BCO2: variants seen among roughly 807,000 people sequenced by gnomAD.
BCO2 encodes the protein beta-carotene oxygenase 2.
In BCO2, 56 loss-of-function variants were observed where a neutral mutation model predicts 65.8. The ratio of observed to expected loss-of-function variants is 0.85; its 90% CI spans 0.69 to 1.06. BCO2 has a LOEUF of 1.06. Among genes scored for constraint, BCO2 ranks in the 50% least tolerant of loss-of-function variants. The pLI, the probability that BCO2 is intolerant of heterozygous loss-of-function variation, is 0.00. For missense variants in BCO2, 675 were observed against 698.5 expected (o/e 0.97, Z 0.38); for synonymous variants, 233 against 242.3 (o/e 0.96, Z 0.36).
At chr11:112,211,319 TACACACAC>T (rs71060232) in intron 8 of BCO2, among the ~76,000 whole-genome samples, 29,095 of 128,426 alleles carry the variant, frequency 0.23, 3,667 homozygotes, top group Non-Finnish European at 0.31. Context: ...TTCGATTGTA[TACACACAC>T]ACACACACAC....
At chr11:112,187,487 T>C (rs1449308689) in intron 2 of BCO2, among the ~76,000 whole-genome samples, 2 of 151,190 alleles carry the variant, frequency 1.3e-5, no homozygotes, top group Non-Finnish European at 2.9e-5. Flanking sequence ...GTCAGTGTTC[T>C]TTCCATCTTC....
At chr11:112,215,357 CTG>C in intron 10 of BCO2, 1 of 236,438 alleles carries the variant, frequency 4.2e-6, no homozygotes, top group East Asian at 1.2e-4. Context: ...TATTGACAGC[CTG>C]TGTTAGTCTG....
chr11:112,177,909 C>CTT lies in BCO2; in HGVS notation c.89-1354_89-1353dup, dbSNP rs11460820. Reference sequence around the variant, plus strand: ...GACCTTGACCAATTAATGGAATTTGCTTTTTTTTTTTTTTTTGAGACGAAG... The same window carrying CTT: ...GACCTTGACCAATTAATGGAATTTGCTTTTTTTTTTTTTTTTTTGAGACGAAG... On this transcript the variant is annotated intron_variant, in intron 1 of 11. Transcript: ENST00000357685. Among the ~76,000 whole-genome samples, 461 of 135,292 alleles carry CTT rather than the reference C, an allele frequency of 3.4e-3. 4 individuals carry two copies. Among genetic ancestry groups the CTT allele is most frequent in the East Asian group, 0.012 (56 of 4,618 alleles). The allele number at this position is 135,292 out of a possible 152,430, so 88.8% of individuals were successfully genotyped here.
At position 112,192,051 on chromosome 11, in the gene BCO2, C is replaced by T. The variant is rs184743695; in HGVS notation, c.294-1423C>T. Among the ~76,000 whole-genome samples, 12 of 152,196 alleles carry T rather than the reference C, an allele frequency of 7.9e-5. No individual in the cohort carries two copies. The East Asian group carries it at 2.3e-3, about 29-fold the overall frequency. On this transcript the variant is annotated intron_variant, in intron 2 of 11. Transcript: ENST00000357685. ...CATTTTGTGAAATTGAATCTCTATA[C>T]TCATTAAGCAACAACTCTTTATTTC...
intron 8 of BCO2, among the ~76,000 whole-genome samples, chr11:112,212,624 G>A (rs186339674): frequency 6.6e-6 from 1 of 152,242 alleles, no homozygotes; most frequent in East Asian, 1.9e-4. Flanking sequence ...TCCCAGTAGA[G>A]TCACAATGGA....
intron 8 of BCO2, among the ~76,000 whole-genome samples, chr11:112,202,908 G>T (rs1213797276): frequency 6.6e-6 from 1 of 152,086 alleles, no homozygotes; most frequent in African/African-American, 2.4e-5. Context: ...AAATTAGCCA[G>T]ATGTGGTGGT....
At chr11:112,190,571 G>A (rs190751778) in intron 2 of BCO2, among the ~76,000 whole-genome samples, 239 of 152,036 alleles carry the variant, frequency 1.6e-3, no homozygotes, top group African/African-American at 5.3e-3. Flanking sequence ...AGAAAATAGG[G>A]TTTGGCTGGG....
chr11:112,175,650 G>C lies in BCO2; in HGVS notation c.49G>C (p.Ala17Pro). 6.2e-7 allele frequency: 1 copy of C among 1,614,096 alleles called. No homozygotes were observed. Among genetic ancestry groups the C allele is most frequent in the Non-Finnish European group, 8.5e-7 (1 of 1,179,964 alleles). The change falls in exon 1 of 12, where the codon GCA becomes CCA. Residue 17 changes from alanine (A) to proline (P), a missense_variant. Physicochemically the swap from Ala to Pro is conservative, Grantham distance 27. Transcript: ENST00000357685. The part of the protein sequence containing the change: ...LHFIRSHSAT[A>P]VDFLPVMVHR... ...TTTTATCAGGAGTCATTCTGCCACT[G>C]CAGTGGATTTCCTTCCTGTGATGGT...
At chr11:112,179,644 T>C (rs1363119080) in intron 2 of BCO2, 162 bp downstream of exon 2, 11 of 678,530 alleles carry the variant, frequency 1.6e-5, no homozygotes, top group Non-Finnish European at 2.2e-5. Flanking sequence ...GGAGACTTTT[T>C]AAACAAAATG....
At chr11:112,179,128 G>A (rs1239469532) in intron 1 of BCO2, 150 bp from the exon 2 acceptor site, 1 of 640,368 alleles carries the variant, frequency 1.6e-6, no homozygotes, top group South Asian at 2.0e-5. Flanking sequence ...GAATGAGGAA[G>A]GAGAGAGAAG....
chr11:112,179,262 G>T lies in BCO2; in HGVS notation c.89-16G>T, dbSNP rs1317381330. The T allele has an allele frequency of 6.2e-7, 1 of 1,609,918 alleles. No individual in the cohort carries two copies. The highest frequency in any genetic ancestry group is 1.7e-5 in the Admixed American group (1 of 59,736). On this transcript the variant is annotated splice_polypyrimidine_tract_variant and intron_variant, in intron 1 of 11. Transcript: ENST00000357685. ...TTGGTAAAATATTTTTTGTGCTTTT[G>T]GTTTCCTCTGCACAGTTTTCAAAAG...
intron 8 of BCO2, among the ~76,000 whole-genome samples, chr11:112,205,754 C>T (rs1867849558): frequency 6.6e-6 from 1 of 151,870 alleles, no homozygotes; most frequent in African/African-American, 2.4e-5. Context: ...GCACCACACT[C>T]AGCTAATATT....
At chr11:112,179,535 G>A (rs1866973632) in intron 2 of BCO2, 53 bp downstream of exon 2, 15 of 1,469,378 alleles carry the variant, frequency 1.0e-5, no homozygotes, top group African/African-American at 1.4e-5. Flanking sequence ...GGCTGGTTCT[G>A]TGGAATATGC....
chr11:112,209,968 G>T (rs1859461357), intron 8 of BCO2, among the ~76,000 whole-genome samples: 1 of 151,912 alleles, frequency 6.6e-6, no homozygotes, highest in South Asian at 2.1e-4. Context: ...GGTTTTTCTA[G>T]TCTCATACAA....
chr11:112,203,929 A>C (rs1273068232), intron 8 of BCO2, among the ~76,000 whole-genome samples: 1 of 151,508 alleles, frequency 6.6e-6, no homozygotes, highest in Non-Finnish European at 1.5e-5. Flanking sequence ...ATCTCGGCTT[A>C]CTGCAACCTC....
intron 5 of BCO2, among the ~76,000 whole-genome samples, chr11:112,197,341 G>A (rs1006783262): frequency 1.3e-5 from 2 of 152,020 alleles, no homozygotes; most frequent in African/African-American, 4.8e-5. Context: ...TTGAGCTCAC[G>A]AGTTGAGACC....
chr11:112,187,656 G>T (rs868056567), intron 2 of BCO2, among the ~76,000 whole-genome samples: 1 of 151,980 alleles, frequency 6.6e-6, no homozygotes, highest in Admixed American at 6.6e-5. Context: ...TCCCACCTCC[G>T]CACTTCCCCA....
intron 2 of BCO2, among the ~76,000 whole-genome samples, chr11:112,184,714 C>T (rs1337782263): frequency 1.3e-5 from 2 of 151,778 alleles, no homozygotes; most frequent in Non-Finnish European, 2.9e-5. Context: ...CAAATTTTAG[C>T]CCAATTTTCT....
chr11:112,206,374 G>A (rs530429189), intron 8 of BCO2, among the ~76,000 whole-genome samples: 4 of 151,912 alleles, frequency 2.6e-5, no homozygotes, highest in South Asian at 2.1e-4. Context: ...GGGCAGAGGC[G>A]CTCCTCACTT....
Sources: gnomAD v4.1 joint callset for allele counts (sites outside exome capture counted in the v4.1 genomes callset) on GRCh38, gnomAD v4.1.1 for gene constraint, MANE v1.5 for transcripts, NCBI Gene and HGNC (gene_info 2026-07-23, HGNC 2026-07-21) for gene names.